The following WDR12 variants were observed in gnomAD, a reference collection of about 807,000 sequenced individuals.
WDR12 encodes the protein WD repeat domain 12.
WDR12 carries 42 observed loss-of-function variants against 64.3 expected under a neutral mutation model. The observed-to-expected ratio is 0.65, with a 90% CI of 0.51 to 0.84. WDR12 has a LOEUF of 0.84. Ranked by LOEUF, WDR12 falls within the 40% of genes least tolerant of loss-of-function variation. WDR12 has a pLI of 0.00. For synonymous variants in WDR12, 158 were observed against 173.3 expected (o/e 0.91, Z 0.70); for missense variants, 469 against 494.6 (o/e 0.95, Z 0.49).
At chr2:202,896,920 G>T (rs552337597) in intron 5 of WDR12, among the ~76,000 whole-genome samples, 1 of 152,234 alleles carries the variant, frequency 6.6e-6, no homozygotes, top group Admixed American at 6.5e-5. Flanking sequence ...CTGGGAAGTG[G>T]ATGTTGCAGT....
At position 202,878,126 on chromosome 2, in the gene WDR12, T is replaced by G. The variant is rs1687893299; in HGVS notation, c.*2734A>C. 1 of 152,222 alleles carries G rather than the reference T, an allele frequency of 6.6e-6. No homozygotes were observed. The highest frequency in any genetic ancestry group is 1.5e-5 in the Non-Finnish European group (1 of 68,050). 9.4% of individuals were successfully genotyped at this position (152,222 alleles called of 1,614,324 possible). ...ACATTATATCTATCTCAAGGAAGAATGCCTGAACTATGAATGTATTCTGCT... is the reference window on the plus strand; with the variant it reads ...ACATTATATCTATCTCAAGGAAGAAGGCCTGAACTATGAATGTATTCTGCT... On this transcript the variant is annotated 3_prime_UTR_variant, in exon 13 of 13. Coordinates refer to ENST00000261015, the MANE Select transcript of WDR12 (RefSeq NM_018256.4).
chr2:202,904,138 C>CAAAAAAAAAAAAAAAAA (rs34378996), intron 2 of WDR12, among the ~76,000 whole-genome samples: 10 of 38,532 alleles, frequency 2.6e-4, no homozygotes, highest in South Asian at 1.1e-3. Flanking sequence ...AACTCTGTCT[C>CAAAAAAAAAAAAAAAAA]AAAAAAAAAA....
chr2:202,894,356 A>G (rs1055180881), intron 7 of WDR12, among the ~76,000 whole-genome samples: 1 of 152,074 alleles, frequency 6.6e-6, no homozygotes, highest in African/African-American at 2.4e-5. Flanking sequence ...AGCTAGGACT[A>G]CCGGTGCATA....
chr2:202,896,461 C>A (rs975445268), intron 5 of WDR12, among the ~76,000 whole-genome samples: 1 of 151,780 alleles, frequency 6.6e-6, no homozygotes, highest in Non-Finnish European at 1.5e-5. Context: ...GAGGCCAACA[C>A]AGGCAGATCA....
At chr2:202,886,445 G>A (rs1037553440) in intron 8 of WDR12, among the ~76,000 whole-genome samples, 22 of 150,306 alleles carry the variant, frequency 1.5e-4, no homozygotes, top group African/African-American at 5.2e-4. Flanking sequence ...GCAACACAGT[G>A]AGAGTCTGTC....
chr2:202,901,430 C>A (rs1688347222), intron 2 of WDR12, among the ~76,000 whole-genome samples: 1 of 152,178 alleles, frequency 6.6e-6, no homozygotes, highest in Non-Finnish European at 1.5e-5. Flanking sequence ...ATTCCACCCT[C>A]CATTCCCCGG....
At chr2:202,898,687 T>C (rs921826398) in intron 4 of WDR12, among the ~76,000 whole-genome samples, 1 of 152,228 alleles carries the variant, frequency 6.6e-6, no homozygotes, top group East Asian at 1.9e-4. Flanking sequence ...TAGTATGCTA[T>C]GCATCTTTAA....
At chr2:202,907,251 A>G (rs1688474781) in intron 2 of WDR12, among the ~76,000 whole-genome samples, 1 of 152,210 alleles carries the variant, frequency 6.6e-6, no homozygotes, top group Admixed American at 6.5e-5. Context: ...ACTCATAGCC[A>G]ATCTTATTTC....
chr2:202,891,053 T>C (rs1688149075), intron 8 of WDR12, among the ~76,000 whole-genome samples: 1 of 152,064 alleles, frequency 6.6e-6, no homozygotes, highest in Non-Finnish European at 1.5e-5. Flanking sequence ...TAAAACATTT[T>C]TATAACTCAG....
At chr2:202,885,676 C>T (rs186518464) in intron 8 of WDR12, among the ~76,000 whole-genome samples, 330 of 152,256 alleles carry the variant, frequency 2.2e-3, no homozygotes, top group Non-Finnish European at 4.0e-3. Context: ...CTTATTAATA[C>T]TCCACAATCT....
In WDR12 at chr2:202,892,662, A is replaced by C; in HGVS notation, c.696T>G (p.Asn232Lys). The stretch of plus-strand genomic sequence containing the variant: ...CTGTCTTCTGTTTCTTTCTTGGTCG[A>C]TTTGTGGACTCCTCCATTTCATCTT... Reference protein sequence around the residue: ...DEEDEMEESTNRPRKKQKTEQ... With the variant: ...DEEDEMEESTKRPRKKQKTEQ... Residue 232 changes from asparagine to lysine, a missense_variant, in exon 8 of 13, where the codon AAT becomes AAG. Coordinates refer to ENST00000261015, the MANE Select transcript of WDR12 (RefSeq NM_018256.4). 1 of 1,613,366 alleles carries C rather than the reference A, an allele frequency of 6.2e-7. No individual in the cohort carries two copies. The highest frequency in any genetic ancestry group is 8.5e-7 in the Non-Finnish European group (1 of 1,179,570).
chr2:202,903,490 A>AGGAAGGAAGGAG (rs1688391224), intron 2 of WDR12, among the ~76,000 whole-genome samples: 1 of 117,730 alleles, frequency 8.5e-6, no homozygotes, highest in African/African-American at 3.1e-5. Context: ...GAAGGAAGGA[A>AGGAAGGAAGGAG]GGAAGGAAGG....
rs772218065 is a variant in WDR12, at chr2:202,896,117, C to G, written c.557G>C (p.Arg186Thr). Residue 186 changes from arginine (R) to threonine (T), a missense_variant, in exon 6 of 13, where the codon AGA (arginine) becomes ACA (threonine). Coordinates refer to ENST00000261015, the MANE Select transcript of WDR12 (RefSeq NM_018256.4). The part of the protein sequence containing the change: ...RNKVKALHCC[R>T]GHAGSVDSIA... ...AGAATCTACACTTCCAGCATGACCT[C>G]TACAGCAGTGTAGGGCTTTCACTTT... The G allele has an allele frequency of 1.2e-6, 2 of 1,614,160 alleles. No individual in the cohort carries two copies. The highest frequency in any genetic ancestry group is 1.7e-6 in the Non-Finnish European group (2 of 1,180,010).
At chr2:202,895,633 C>T (rs1688225379) in intron 6 of WDR12, among the ~76,000 whole-genome samples, 1 of 150,506 alleles carries the variant, frequency 6.6e-6, no homozygotes, top group Non-Finnish European at 1.5e-5. Context: ...AGTGATTCTC[C>T]TACCTCAGCC....
At chr2:202,897,990 A>G (rs1688282771) in intron 4 of WDR12, among the ~76,000 whole-genome samples, 1 of 147,992 alleles carries the variant, frequency 6.8e-6, no homozygotes, top group Non-Finnish European at 1.5e-5. Flanking sequence ...TAAGCTGTAT[A>G]TGAAACATAA....
Position 202,896,195 on chromosome 2 carries a change from C to A in WDR12, c.479G>T (p.Ser160Ile). Residue 160 changes from serine to isoleucine, a missense_variant, in exon 6 of 13, where the codon AGT (serine) becomes ATT (isoleucine). Ser to Ile is a moderately radical substitution (Grantham distance 142, BLOSUM62 -2). Coordinates refer to ENST00000261015, the MANE Select transcript of WDR12 (RefSeq NM_018256.4). ...GAGAATAGTCTGATCCATAGAAGCA[C>A]TCAATAATAAGCAGGACAAACTATC... ...KKDSLSCLLL[S>I]ASMDQTILLW... is the part of the protein sequence containing the mutation. 1 of 1,613,770 alleles carries A rather than the reference C, an allele frequency of 6.2e-7. No homozygotes were observed. The highest frequency in any genetic ancestry group is 8.5e-7 in the Non-Finnish European group (1 of 1,179,942).
chr2:202,910,766 TCTC>T (rs1174807336), intron 1 of WDR12, among the ~76,000 whole-genome samples: 1 of 152,150 alleles, frequency 6.6e-6, no homozygotes, highest in Non-Finnish European at 1.5e-5. Flanking sequence ...ATTTACTAGC[TCTC>T]CTCATAAAGC....
rs1275506674 is a variant in WDR12, at chr2:202,899,594, G to T, written c.275C>A (p.Pro92His). The change falls in exon 4 of 13, where the codon CCC (proline) becomes CAC (histidine). Residue 92 changes from proline (P) to histidine (H), a missense_variant. Pro to His is a moderately conservative substitution (Grantham distance 77). Coordinates refer to ENST00000261015, the MANE Select transcript of WDR12 (RefSeq NM_018256.4). ...EIEYVEKYTA[P>H]QPEQCMFHDD... ...ATGGAACATGCATTGCTCTGGCTGG[G>T]GTGCAGTATACTTCTCCACGTATTC... is the stretch of plus-strand genomic sequence containing the variant. 6.2e-7 allele frequency: 1 copy of T among 1,613,996 alleles called. No homozygotes were observed. Among genetic ancestry groups the T allele is most frequent in the African/African-American group, 1.3e-5 (1 of 74,988 alleles).
intron 4 of WDR12, among the ~76,000 whole-genome samples, chr2:202,898,431 G>A (rs375962812): frequency 1.1e-4 from 16 of 152,210 alleles, no homozygotes; most frequent in African/African-American, 2.9e-4. Context: ...GATTACAGGC[G>A]TGAGCCACGC....
Sources: gnomAD v4.1 joint callset for allele counts (sites outside exome capture counted in the v4.1 genomes callset) on GRCh38, gnomAD v4.1.1 for gene constraint, MANE v1.5 for transcripts, NCBI Gene and HGNC (gene_info 2026-07-23, HGNC 2026-07-21) for gene names.